Variants in MYMX observed in about 807,000 individuals in gnomAD.
The protein encoded by MYMX is protein myomixer.
At chr6:44,217,120 G>A (rs963810532) in intron 1 of MYMX, 152 bp downstream of exon 1, 2 of 238,880 alleles carry the variant, frequency 8.4e-6, no homozygotes, top group Non-Finnish European at 1.6e-5. Flanking sequence ...AACTCCAGGG[G>A]CATTGAGGCT....
chr6:44,205,583 G>A, the MYMX span, among the ~76,000 whole-genome samples: 3 of 152,014 alleles, frequency 2.0e-5, no homozygotes, highest in African/African-American at 7.2e-5. Context: ...GGCCAAGGTG[G>A]GTGGATCACG....
chr6:44,194,167 C>T, the MYMX span, among the ~76,000 whole-genome samples: 14 of 152,298 alleles, frequency 9.2e-5, no homozygotes, highest in East Asian at 2.1e-3. Context: ...AGAAGTTTAA[C>T]GACATCTGTT....
chr6:44,217,815 C>T lies in MYMX; in HGVS notation c.*89C>T. 4 of 400,284 alleles carry T rather than the reference C, an allele frequency of 1.0e-5. No homozygotes were observed. In the Middle Eastern group the frequency reaches 1.2e-3, roughly 125 times the overall value. The allele number at this position is 400,284 out of a possible 1,614,324, so 24.8% of individuals were successfully genotyped here. On this transcript the variant is annotated 3_prime_UTR_variant, in exon 2 of 2. Transcript: ENST00000573382. ...GCACCAGCACTGACCGAAGCCTGCC[C>T]AGTGGACAGAAGATATAGTGAGGGT...
chr6:44,198,465 T>C, the MYMX span, among the ~76,000 whole-genome samples: 3 of 151,866 alleles, frequency 2.0e-5, no homozygotes, highest in Non-Finnish European at 4.4e-5. Context: ...GTGCCTGGCC[T>C]ATCCCAAATT....
chr6:44,216,670 A>AG (rs1160424858), upstream of MYMX, among the ~76,000 whole-genome samples: 1 of 145,190 alleles, frequency 6.9e-6, no homozygotes, highest in African/African-American at 2.7e-5. Context: ...AAAAAAAAAA[A>AG]AAGAAGAAGA....
At chr6:44,213,968 G>C (rs763887682), upstream of MYMX, among the ~76,000 whole-genome samples, 8 of 152,098 alleles carry the variant, frequency 5.3e-5, no homozygotes, top group Non-Finnish European at 1.2e-4. Flanking sequence ...GCATTGCCAT[G>C]CTCAGCTAAT....
At chr6:44,195,956 T>C in the MYMX span, among the ~76,000 whole-genome samples, 1 of 152,174 alleles carries the variant, frequency 6.6e-6, no homozygotes, top group South Asian at 2.1e-4. Context: ...TTTTCCTTTT[T>C]TTTGAAACAG....
the MYMX span, among the ~76,000 whole-genome samples, chr6:44,209,277 G>A: frequency 1.4e-4 from 22 of 151,988 alleles, no homozygotes; most frequent in Middle Eastern, 3.4e-3. Context: ...TGCTCTTAAA[G>A]GACTCAGGGA....
At chr6:44,208,923 C>A in the MYMX span, among the ~76,000 whole-genome samples, 3 of 152,236 alleles carry the variant, frequency 2.0e-5, no homozygotes, top group Non-Finnish European at 4.4e-5. Context: ...GAACTAATCC[C>A]TCTTCCCACT....
the MYMX span, among the ~76,000 whole-genome samples, chr6:44,201,364 C>T: frequency 6.6e-6 from 1 of 152,124 alleles, no homozygotes; most frequent in Non-Finnish European, 1.5e-5. Flanking sequence ...CCAAGGTCTC[C>T]CCACCTGCTC....
chr6:44,193,579 G>A, the MYMX span, among the ~76,000 whole-genome samples: 6 of 152,272 alleles, frequency 3.9e-5, no homozygotes, highest in African/African-American at 1.2e-4. Flanking sequence ...ACCCCATATT[G>A]TCTTTCTATG....
the MYMX span, among the ~76,000 whole-genome samples, chr6:44,205,228 C>T: frequency 2.0e-5 from 3 of 151,252 alleles, 1 homozygote; most frequent in African/African-American, 7.3e-5. Flanking sequence ...TAGAGATCAT[C>T]GTTCTTTGAA....
the MYMX span, among the ~76,000 whole-genome samples, chr6:44,205,808 C>CA: frequency 7.4e-3 from 1,104 of 148,824 alleles, 16 homozygotes; most frequent in African/African-American, 0.025. Flanking sequence ...GACTTCTTCT[C>CA]AAAAAAAAAG....
the MYMX span, among the ~76,000 whole-genome samples, chr6:44,198,413 C>A: frequency 6.6e-6 from 1 of 152,104 alleles, no homozygotes; most frequent in Admixed American, 6.6e-5. Context: ...GATCTACCCG[C>A]CTCGGCCTCC....
chr6:44,193,952 C>G, the MYMX span, among the ~76,000 whole-genome samples: 6,921 of 152,006 alleles, frequency 0.046, 503 homozygotes, highest in African/African-American at 0.15. Context: ...CCCTTGCACT[C>G]CAGCCTGGGA....
At chr6:44,201,731 C>A in the MYMX span, among the ~76,000 whole-genome samples, 1 of 152,212 alleles carries the variant, frequency 6.6e-6, no homozygotes, top group African/African-American at 2.4e-5. Context: ...GAGACACCTA[C>A]CTGGTAGCCA....
At chr6:44,205,997 AC>A in the MYMX span, among the ~76,000 whole-genome samples, 18,799 of 128,056 alleles carry the variant, frequency 0.15, 3,888 homozygotes, top group Non-Finnish European at 0.19. Context: ...AAAAAACAAA[AC>A]AAAAAAAAAC....
upstream of MYMX, among the ~76,000 whole-genome samples, chr6:44,213,531 C>T (rs1193808742): frequency 6.6e-6 from 1 of 151,328 alleles, no homozygotes; most frequent in Non-Finnish European, 1.5e-5. Context: ...AAGCAATTCT[C>T]CTGTCTCAGC....
chr6:44,212,860 CAAA>C (rs138470528), upstream of MYMX, among the ~76,000 whole-genome samples: 45 of 84,022 alleles, frequency 5.4e-4, no homozygotes, highest in East Asian at 0.012. Context: ...CTTGTCTCTC[CAAA>C]AAAAAAAAAA....
Sources: gnomAD v4.1 joint callset for allele counts (sites outside exome capture counted in the v4.1 genomes callset) on GRCh38, gnomAD v4.1.1 for gene constraint, MANE v1.5 for transcripts, NCBI Gene and HGNC (gene_info 2026-07-23, HGNC 2026-07-21) for gene names.